The following KDM4C variants were observed in gnomAD, a reference collection of about 807,000 sequenced individuals.
KDM4C encodes lysine demethylase 4C, also known as lysine-specific demethylase 4C.
KDM4C carries 81 observed loss-of-function variants against 129.3 expected under a neutral mutation model. The ratio of observed to expected loss-of-function variants is 0.63; its 90% CI spans 0.52 to 0.75. The LOEUF is 0.75. KDM4C is among the 30% of genes least tolerant of loss of function. The probability of loss-of-function intolerance (pLI) is 0.00; values close to 1 mark genes in which losing one functional copy is unlikely to be tolerated. For missense variants in KDM4C, 1,457 were observed against 1,304.0 expected, an observed-to-expected ratio of 1.12 and a Z score of -1.81; for synonymous variants, 573 against 456.1, an observed-to-expected ratio of 1.26 and a Z score of -3.26.
intron 17 of KDM4C, among the ~76,000 whole-genome samples, chr9:7,098,677 C>G (rs981537660): frequency 6.6e-6 from 1 of 152,334 alleles, no homozygotes; most frequent in East Asian, 1.9e-4. Context: ...CCCAGCCACT[C>G]TTTAGCTGAC....
At chr9:7,107,658 A>C (rs114683876) in intron 18 of KDM4C, among the ~76,000 whole-genome samples, 1 of 152,346 alleles carries the variant, frequency 6.6e-6, no homozygotes, top group African/African-American at 2.4e-5. Flanking sequence ...TCCTCTAGAA[A>C]AGTGTGACAT....
intron 8 of KDM4C, among the ~76,000 whole-genome samples, chr9:6,899,364 T>G (rs1055703768): frequency 1.3e-5 from 2 of 152,138 alleles, no homozygotes; most frequent in African/African-American, 4.8e-5. Context: ...TTTTTAAACT[T>G]TTATTTTTTA....
chr9:7,009,005 CACT>C (rs1246742478), intron 12 of KDM4C, among the ~76,000 whole-genome samples: 1 of 152,168 alleles, frequency 6.6e-6, no homozygotes, highest in Non-Finnish European at 1.5e-5. Flanking sequence ...AACATGACAC[CACT>C]GAGGGAACAA....
chr9:7,140,980 G>C (rs1370821569), intron 19 of KDM4C, among the ~76,000 whole-genome samples: 1 of 152,220 alleles, frequency 6.6e-6, no homozygotes, highest in Non-Finnish European at 1.5e-5. Context: ...GGCAAGTGCA[G>C]CTGCTGGAGG....
At chr9:7,026,360 G>A (rs1172365437) in intron 15 of KDM4C, among the ~76,000 whole-genome samples, 1 of 151,934 alleles carries the variant, frequency 6.6e-6, no homozygotes, top group African/African-American at 2.4e-5. Flanking sequence ...ACTATTTTAG[G>A]GTAAATGTTT....
At chr9:7,172,235 C>T (rs762361584) in intron 21 of KDM4C, among the ~76,000 whole-genome samples, 50 of 152,324 alleles carry the variant, frequency 3.3e-4, no homozygotes, top group Non-Finnish European at 6.3e-4. Flanking sequence ...CCCAGACACA[C>T]GCTGACTGGG....
intron 7 of KDM4C, among the ~76,000 whole-genome samples, chr9:6,891,717 T>A (rs1846141214): frequency 6.6e-6 from 1 of 152,190 alleles, no homozygotes; most frequent in Non-Finnish European, 1.5e-5. Flanking sequence ...AAACACTATA[T>A]GTATATACAG....
chr9:7,079,243 T>C (rs1226545696), intron 17 of KDM4C, among the ~76,000 whole-genome samples: 1 of 152,224 alleles, frequency 6.6e-6, no homozygotes, highest in East Asian at 1.9e-4. Flanking sequence ...AAATATTCTT[T>C]AGTGCCAAAG....
At chr9:7,038,374 A>G (rs1828003559) in intron 15 of KDM4C, among the ~76,000 whole-genome samples, 1 of 151,980 alleles carries the variant, frequency 6.6e-6, no homozygotes, top group Non-Finnish European at 1.5e-5. Context: ...ATGTATTATA[A>G]TCTGGTGTTA....
intron 8 of KDM4C, among the ~76,000 whole-genome samples, chr9:6,935,057 C>T (rs1212150558): frequency 6.6e-6 from 1 of 151,754 alleles, no homozygotes; most frequent in Non-Finnish European, 1.5e-5. Flanking sequence ...GGAAAATTTT[C>T]CAGAAATTTA....
intron 17 of KDM4C, among the ~76,000 whole-genome samples, chr9:7,072,422 A>G (rs1833331689): frequency 6.6e-6 from 1 of 152,224 alleles, no homozygotes. Context: ...ACCTTCATAC[A>G]ATATAATGCT....
At chr9:6,970,381 A>G (rs1305299636) in intron 8 of KDM4C, among the ~76,000 whole-genome samples, 1 of 152,244 alleles carries the variant, frequency 6.6e-6, no homozygotes, top group African/African-American at 2.4e-5. Context: ...CTGTTGGGAC[A>G]CATTAGGCAC....
At chr9:6,989,611 G>A (rs1818363338) in intron 11 of KDM4C, among the ~76,000 whole-genome samples, 1 of 152,084 alleles carries the variant, frequency 6.6e-6, no homozygotes, top group African/African-American at 2.4e-5. Flanking sequence ...TGTTATTTAT[G>A]TGATCTAGAA....
At chr9:6,937,078 A>C (rs1004334117) in intron 8 of KDM4C, among the ~76,000 whole-genome samples, 12 of 152,214 alleles carry the variant, frequency 7.9e-5, no homozygotes, top group Non-Finnish European at 1.8e-4. Context: ...ACAAGAAAGG[A>C]AACAAGTAAG....
intron 15 of KDM4C, among the ~76,000 whole-genome samples, chr9:7,037,093 T>C (rs113512201): frequency 3.6e-4 from 55 of 152,282 alleles, no homozygotes; most frequent in African/African-American, 1.3e-3. Flanking sequence ...CAGAAATGGT[T>C]CTCCCATGTC....
rs141972931 is a variant in KDM4C at position 6,893,867 on chromosome 9, C to T, written c.921+635C>T. ...ACTTCTATTAAATTTAATTACTTTC[C>T]CCCTGTGGTGTTAAATAGAAGACAT... On this transcript the variant is annotated intron_variant, in intron 8 of 21. Coordinates refer to ENST00000381309, the MANE Select transcript of KDM4C (RefSeq NM_015061.6). 2.2e-4 allele frequency among the ~76,000 whole-genome samples: 34 copies of T among 152,092 alleles called. No homozygotes were observed. In the East Asian group the frequency reaches 6.5e-3, roughly 29 times the overall value.
intron 15 of KDM4C, among the ~76,000 whole-genome samples, chr9:7,020,331 T>G (rs765585127): frequency 1.3e-5 from 2 of 152,218 alleles, no homozygotes; most frequent in Non-Finnish European, 2.9e-5. Context: ...TAATTCCAAT[T>G]AGATATCATC....
chr9:6,878,125 T>C (rs1180686836), intron 5 of KDM4C, among the ~76,000 whole-genome samples: 5 of 152,212 alleles, frequency 3.3e-5, no homozygotes, highest in Admixed American at 6.5e-5. Context: ...CCAGTTGTGC[T>C]TCACTGGATA....
intron 8 of KDM4C, among the ~76,000 whole-genome samples, chr9:6,962,332 T>C (rs1362625502): frequency 1.3e-5 from 2 of 152,200 alleles, no homozygotes; most frequent in Admixed American, 1.3e-4. Context: ...AGATGAAATG[T>C]AGATAAGTTA....
Sources: allele counts gnomAD v4.1 joint callset (sites outside exome capture counted in the v4.1 genomes callset), GRCh38; gene constraint gnomAD v4.1.1; transcripts MANE v1.5; gene names NCBI Gene and HGNC (gene_info 2026-07-23, HGNC 2026-07-21).